Variants in NCOA2 observed in about 807,000 individuals in gnomAD.
NCOA2 encodes class E basic helix-loop-helix protein 75.
A neutral mutation model predicts 145.1 loss-of-function variants in NCOA2; 21 were observed. The observed-to-expected ratio is 0.14, with a 90% CI of 0.10 to 0.21. The LOEUF (loss-of-function observed/expected upper bound fraction) is 0.21. NCOA2 is among the 10% of genes least tolerant of loss of function. The probability of loss-of-function intolerance (pLI) is 1.00; values close to 1 mark genes in which losing one functional copy is unlikely to be tolerated. For missense variants in NCOA2, 1,472 were observed against 1,837.6 expected, an observed-to-expected ratio of 0.80 and a Z score of 3.64; for synonymous variants, 619 against 637.5, an observed-to-expected ratio of 0.97 and a Z score of 0.44.
the NCOA2 span, among the ~76,000 whole-genome samples, chr8:70,411,950 A>G: frequency 6.6e-6 from 1 of 152,232 alleles, no homozygotes; most frequent in African/African-American, 2.4e-5. Flanking sequence ...CAGTTTATTC[A>G]TGGTATACAA....
intron 1 of NCOA2, among the ~76,000 whole-genome samples, chr8:70,377,363 A>T (rs79855448): frequency 0.032 from 4,877 of 152,104 alleles, 262 homozygotes; most frequent in African/African-American, 0.11. Context: ...TTTCCTCAAA[A>T]TAATTAGAAA....
chr8:70,330,914 T>C (rs1204611805), intron 1 of NCOA2, among the ~76,000 whole-genome samples: 1 of 152,212 alleles, frequency 6.6e-6, no homozygotes, highest in Non-Finnish European at 1.5e-5. Context: ...ATGGCAGCTA[T>C]GCAAAGCAAA....
the NCOA2 span, among the ~76,000 whole-genome samples, chr8:70,426,159 T>C: frequency 6.6e-6 from 1 of 152,198 alleles, no homozygotes; most frequent in East Asian, 1.9e-4. Flanking sequence ...TACTGGGAAG[T>C]AACAAGTTTG....
intron 4 of NCOA2, among the ~76,000 whole-genome samples, chr8:70,179,105 T>C (rs1389416455): frequency 6.6e-6 from 1 of 152,164 alleles, no homozygotes; most frequent in Non-Finnish European, 1.5e-5. Context: ...TTATTCCTCA[T>C]TAATAAAAGA....
chr8:70,271,077 T>C (rs1825011535), intron 2 of NCOA2, among the ~76,000 whole-genome samples: 1 of 152,210 alleles, frequency 6.6e-6, no homozygotes, highest in African/African-American at 2.4e-5. Context: ...GGGGAAGATA[T>C]ATGTTGAAAA....
rs560293008 is a variant in NCOA2, at chr8:70,156,504, C to T, written c.1861G>A (p.Val621Met). The change falls in exon 11 of 23, where the codon GTG (valine) becomes ATG (methionine). Residue 621 changes from valine to methionine, a missense_variant. By Grantham distance (21) the Val-to-Met change is conservative (BLOSUM62 1). Transcript: ENST00000452400. ...ETNDPNLPPA[V>M]SSERADGQSR... is the part of the protein sequence containing the mutation. ...TGCCCGTCAGCTCTCTCACTGCTCA[C>T]GGCCGGGGGCAGGTTGGGGTCATTT... 80 of 1,613,766 alleles carry T rather than the reference C, an allele frequency of 5.0e-5. No individual in the cohort carries two copies. Among genetic ancestry groups the T allele is most frequent in the Middle Eastern group, 1.6e-4 (1 of 6,084 alleles).
chr8:70,237,395 T>C (rs1821723468), intron 2 of NCOA2, among the ~76,000 whole-genome samples: 1 of 151,418 alleles, frequency 6.6e-6, no homozygotes, highest in Non-Finnish European at 1.5e-5. Flanking sequence ...GCATGTCTCA[T>C]CTCAAGTAAA....
chr8:70,290,085 A>G (rs1409833259), intron 2 of NCOA2, among the ~76,000 whole-genome samples: 1 of 151,874 alleles, frequency 6.6e-6, no homozygotes, highest in East Asian at 1.9e-4. Context: ...GGCCTCAGCT[A>G]AATGCTACCC....
intron 2 of NCOA2, among the ~76,000 whole-genome samples, chr8:70,244,153 T>C (rs1290054168): frequency 6.6e-6 from 1 of 152,108 alleles, no homozygotes; most frequent in East Asian, 1.9e-4. Flanking sequence ...GTATACAGTA[T>C]AGTTTAGTTT....
the NCOA2 span, among the ~76,000 whole-genome samples, chr8:70,450,518 A>G: frequency 9.6e-5 from 14 of 145,242 alleles, no homozygotes; most frequent in Non-Finnish European, 1.6e-4. Context: ...TACCCAGTGT[A>G]TGATACTTTT....
At chr8:70,118,422 C>T (rs761439368) in intron 22 of NCOA2, among the ~76,000 whole-genome samples, 12 of 152,176 alleles carry the variant, frequency 7.9e-5, no homozygotes, top group Non-Finnish European at 1.5e-4. Context: ...GGATTGGCAC[C>T]AGGAAAGACA....
At chr8:70,378,733 T>C (rs549131635) in intron 1 of NCOA2, among the ~76,000 whole-genome samples, 2 of 135,550 alleles carry the variant, frequency 1.5e-5, no homozygotes, top group South Asian at 2.4e-4. Context: ...CCTGCACTTG[T>C]AGGCTATGCT....
At chr8:70,442,223 A>C in the NCOA2 span, among the ~76,000 whole-genome samples, 2 of 151,588 alleles carry the variant, frequency 1.3e-5, no homozygotes, top group African/African-American at 2.4e-5. Flanking sequence ...ACAGGGTCAC[A>C]GTCACAGGTA....
At chr8:70,382,117 C>T (rs1003700045) in intron 1 of NCOA2, among the ~76,000 whole-genome samples, 2 of 151,952 alleles carry the variant, frequency 1.3e-5, no homozygotes, top group African/African-American at 4.8e-5. Flanking sequence ...TAAATACATA[C>T]AGAAAAAGCC....
At chr8:70,360,338 C>G (rs933812717) in intron 1 of NCOA2, among the ~76,000 whole-genome samples, 5 of 152,168 alleles carry the variant, frequency 3.3e-5, no homozygotes, top group African/African-American at 1.2e-4. Context: ...TGAAAATTCA[C>G]TATTTATACC....
intron 1 of NCOA2, among the ~76,000 whole-genome samples, chr8:70,382,578 G>A (rs1200786585): frequency 3.3e-5 from 5 of 152,150 alleles, no homozygotes; most frequent in Non-Finnish European, 7.4e-5. Context: ...TGTTGTTCAG[G>A]AATTCCAGAA....
At chr8:70,139,670 T>TTTTTTG (rs1810152240) in intron 14 of NCOA2, among the ~76,000 whole-genome samples, 1 of 141,766 alleles carries the variant, frequency 7.1e-6, no homozygotes, top group African/African-American at 2.8e-5. Context: ...TTTTTTTTTT[T>TTTTTTG]GAGGAGGAGT....
In NCOA2 at chr8:70,124,116, C is replaced by T; in HGVS notation, c.4095-34G>A. On this transcript the variant is annotated intron_variant, in intron 20 of 22. Coordinates refer to ENST00000452400, the MANE Select transcript of NCOA2 (RefSeq NM_006540.4). ...CAATGGAAAGATTGAATGAATGTTACAGCTTGCTGGTATCCAGAGGCAGGC... is the reference window on the plus strand; with the variant it reads ...CAATGGAAAGATTGAATGAATGTTATAGCTTGCTGGTATCCAGAGGCAGGC... 3.1e-6 allele frequency: 5 copies of T among 1,593,842 alleles called. No homozygotes were observed. In the East Asian group the frequency reaches 6.7e-5, roughly 21 times the overall value.
chr8:70,261,032 A>C (rs949514628), intron 2 of NCOA2, among the ~76,000 whole-genome samples: 11 of 152,222 alleles, frequency 7.2e-5, no homozygotes, highest in Non-Finnish European at 1.3e-4. Flanking sequence ...ACCATTGTGG[A>C]AGTCAGTGTG....
Sources: gnomAD v4.1 joint callset for allele counts (sites outside exome capture counted in the v4.1 genomes callset) on GRCh38, gnomAD v4.1.1 for gene constraint, MANE v1.5 for transcripts, NCBI Gene and HGNC (gene_info 2026-07-23, HGNC 2026-07-21) for gene names.